Variants in BNIP2 observed in about 807,000 individuals in gnomAD.
BNIP2 encodes the protein BCL2/adenovirus E1B 19 kDa protein-interacting protein 2.
BNIP2 carries 36 observed loss-of-function variants against 43.4 expected under a neutral mutation model. The ratio of observed to expected loss-of-function variants is 0.83; its 90% CI spans 0.64 to 1.10. BNIP2 has a LOEUF of 1.10. BNIP2 is among the 50% of genes least tolerant of loss of function. BNIP2 has a pLI of 0.00. For missense variants in BNIP2, 417 were observed against 374.1 expected (o/e 1.11, Z -0.95); for synonymous variants, 146 against 121.0 (o/e 1.21, Z -1.35).
In BNIP2 at chr15:59,663,760, C is replaced by T. The variant is rs1231618376; in HGVS notation, c.*309G>A. 2.4e-5 allele frequency: 5 copies of T among 209,742 alleles called. No homozygotes were observed. The highest frequency in any genetic ancestry group is 1.8e-4 in the Admixed American group (3 of 17,056). 13.0% of individuals were successfully genotyped at this position (209,742 alleles called of 1,614,324 possible). Reference sequence around the variant, plus strand: ...CCATTTATGCATATAAATATTTCACCGAAGAAGATGCATCATTCAATAAAC... The same window carrying T: ...CCATTTATGCATATAAATATTTCACTGAAGAAGATGCATCATTCAATAAAC... On this transcript the variant is annotated 3_prime_UTR_variant, in exon 10 of 10. Coordinates refer to ENST00000607373, the MANE Select transcript of BNIP2 (RefSeq NM_004330.4).
intron 1 of BNIP2, among the ~76,000 whole-genome samples, chr15:59,686,362 C>G (rs1338732622): frequency 6.6e-6 from 1 of 152,052 alleles, no homozygotes; most frequent in Non-Finnish European, 1.5e-5. Context: ...CTAGCTTGGG[C>G]AACACAGTGA....
chr15:59,669,983 A>G (rs749474206), intron 7 of BNIP2, among the ~76,000 whole-genome samples: 63 of 152,260 alleles, frequency 4.1e-4, no homozygotes, highest in Non-Finnish European at 7.5e-4. Flanking sequence ...AGAGAAACCT[A>G]TTAATGGGTC....
rs1455177077 is a variant in BNIP2, at chr15:59,689,306, T to C, written c.-229A>G. ...GCGGTACGGCGTCGGCGGCAGCAGC[T>C]GACCCGGACACAGTGAGAAGCCCCG... On this transcript the variant is annotated 5_prime_UTR_variant, in exon 1 of 10. Coordinates refer to ENST00000607373, the MANE Select transcript of BNIP2 (RefSeq NM_004330.4). The C allele has an allele frequency of 6.5e-7, 1 of 1,547,158 alleles. No individual in the cohort carries two copies. Among genetic ancestry groups the C allele is most frequent in the Non-Finnish European group, 8.7e-7 (1 of 1,145,868 alleles).
At chr15:59,679,549 A>G (rs767447427) in intron 4 of BNIP2, 43 bp downstream of exon 4, 1 of 1,558,256 alleles carries the variant, frequency 6.4e-7, no homozygotes, top group Admixed American at 1.9e-5. Flanking sequence ...AAAATCCCTT[A>G]GTACATTAAT....
At chr15:59,683,088 A>G (rs1243777099) in intron 1 of BNIP2, among the ~76,000 whole-genome samples, 3 of 152,340 alleles carry the variant, frequency 2.0e-5, no homozygotes, top group East Asian at 1.9e-4. Context: ...GATTTGTTTC[A>G]TATCTATACT....
At chr15:59,669,974 G>A in intron 7 of BNIP2, among the ~76,000 whole-genome samples, 1 of 152,202 alleles carries the variant, frequency 6.6e-6, no homozygotes, top group South Asian at 2.1e-4. Context: ...TAGATGTGAA[G>A]AGAAACCTAT....
intron 7 of BNIP2, among the ~76,000 whole-genome samples, chr15:59,670,634 C>T (rs1043246912): frequency 4.6e-5 from 7 of 152,088 alleles, no homozygotes; most frequent in Non-Finnish European, 7.4e-5. Flanking sequence ...TATAAAGCTA[C>T]TTTGTAAGTT....
At chr15:59,679,355 T>C (rs567887463) in intron 4 of BNIP2, 23 of 361,682 alleles carry the variant, frequency 6.4e-5, no homozygotes, top group African/African-American at 3.9e-4. Context: ...GCCATAATTA[T>C]CAAGAAATAT....
At chr15:59,668,716 G>A in intron 9 of BNIP2, 176 bp downstream of exon 9, 1 of 535,818 alleles carries the variant, frequency 1.9e-6, no homozygotes, top group Non-Finnish European at 3.3e-6. Flanking sequence ...CTAACTTAGG[G>A]GGATGGTGTG....
At chr15:59,676,840 A>G in intron 5 of BNIP2, 1 of 1,561,888 alleles carries the variant, frequency 6.4e-7, no homozygotes, top group Non-Finnish European at 8.7e-7. Flanking sequence ...CCTGCCGGGA[A>G]TTCTGCCTCA....
In BNIP2 at chr15:59,671,275, G is replaced by C. The variant is rs1892889872; in HGVS notation, c.615C>G (p.Asn205Lys). Reference sequence around the variant, plus strand: ...CACCATTTAAATAAACTATCATGTAGTTTTCTGCTACTAATAGCTCCAAAG... The same window carrying C: ...CACCATTTAAATAAACTATCATGTACTTTTCTGCTACTAATAGCTCCAAAG... ...IGTLELLVAENYMIVYLNGAT... is the reference protein window; with the variant it reads ...IGTLELLVAEKYMIVYLNGAT... Residue 205 changes from asparagine (N) to lysine (K), a missense_variant, in exon 7 of 10, where the codon AAC becomes AAG. By Grantham distance (94) the Asn-to-Lys change is moderately conservative. Coordinates refer to ENST00000607373, the MANE Select transcript of BNIP2 (RefSeq NM_004330.4). 3 of 1,596,556 alleles carry C rather than the reference G, an allele frequency of 1.9e-6. No individual in the cohort carries two copies. The highest frequency in any genetic ancestry group is 1.1e-5 in the South Asian group (1 of 88,636).
At chr15:59,670,764 T>C (rs1892848567) in intron 7 of BNIP2, among the ~76,000 whole-genome samples, 2 of 152,046 alleles carry the variant, frequency 1.3e-5, no homozygotes, top group Non-Finnish European at 2.9e-5. Flanking sequence ...ATTTAAAAAA[T>C]AAATGGTGTT....
At chr15:59,670,972 C>A (rs1431498094) in intron 7 of BNIP2, among the ~76,000 whole-genome samples, 3 of 151,590 alleles carry the variant, frequency 2.0e-5, no homozygotes, top group Admixed American at 6.6e-5. Flanking sequence ...ACTTGGGAGG[C>A]TGAGGCAGGA....
intron 1 of BNIP2, among the ~76,000 whole-genome samples, chr15:59,687,744 G>C (rs1284666629): frequency 6.6e-6 from 1 of 151,996 alleles, no homozygotes; most frequent in Non-Finnish European, 1.5e-5. Flanking sequence ...CATTACTCCA[G>C]ATAGAATGAA....
intron 3 of BNIP2, among the ~76,000 whole-genome samples, 167 bp downstream of exon 3, chr15:59,680,074 A>T (rs985451032): frequency 6.6e-6 from 1 of 151,912 alleles, no homozygotes; most frequent in African/African-American, 2.4e-5. Flanking sequence ...TGTTTTTGGA[A>T]TTTTTTTTAA....
intron 5 of BNIP2, among the ~76,000 whole-genome samples, chr15:59,674,738 T>C (rs755264830): frequency 1.6e-4 from 25 of 152,170 alleles, no homozygotes; most frequent in Non-Finnish European, 2.4e-4. Context: ...CTACAGTGAG[T>C]TGTGTTCTGA....
Position 59,669,271 on chromosome 15 carries a change from A to G in BNIP2, c.794+5T>C. The G allele has an allele frequency of 1.3e-6, 2 of 1,532,072 alleles. No homozygotes were observed. Among genetic ancestry groups the G allele is most frequent in the Non-Finnish European group, 1.7e-6 (2 of 1,143,386 alleles). The allele number at this position is 1,532,072 out of a possible 1,614,324, so 94.9% of individuals were successfully genotyped here. A position where few individuals can be genotyped will look rare whatever the true frequency, so the allele number is the denominator to read the frequency against. Reference sequence around the variant, plus strand: ...AAATTAAAGTCAATGGCTCTCAAAAATTACCTAATAAATGGTCTTGTAACA... The same window carrying G: ...AAATTAAAGTCAATGGCTCTCAAAAGTTACCTAATAAATGGTCTTGTAACA... On this transcript the variant is annotated splice_donor_5th_base_variant and intron_variant, in intron 8 of 9. Transcript: ENST00000607373.
At chr15:59,687,277 C>G (rs1185148917) in intron 1 of BNIP2, among the ~76,000 whole-genome samples, 1 of 151,760 alleles carries the variant, frequency 6.6e-6, no homozygotes, top group Non-Finnish European at 1.5e-5. Flanking sequence ...ATATTACTAT[C>G]ACCACATTAT....
chr15:59,674,251 C>T (rs778528140), intron 5 of BNIP2, among the ~76,000 whole-genome samples: 1 of 142,782 alleles, frequency 7.0e-6, no homozygotes, highest in Non-Finnish European at 1.5e-5. Flanking sequence ...ACCTTCATTT[C>T]TATTGCTTAC....
Sources: allele counts gnomAD v4.1 joint callset (sites outside exome capture counted in the v4.1 genomes callset), GRCh38; gene constraint gnomAD v4.1.1; transcripts MANE v1.5; gene names NCBI Gene and HGNC (gene_info 2026-07-23, HGNC 2026-07-21).